DPYD: variants seen among roughly 807,000 people sequenced by gnomAD.
DPYD encodes the protein dihydropyrimidine dehydrogenase [NADP(+)].
In DPYD, 109 loss-of-function variants were observed where a neutral mutation model predicts 116.2. The observed-to-expected ratio is 0.94, with a 90% CI of 0.80 to 1.10. The LOEUF (loss-of-function observed/expected upper bound fraction) is 1.10. DPYD is among the 50% of genes least tolerant of loss of function. The pLI is 0.00. For synonymous variants in DPYD, 440 were observed against 432.0 expected (o/e 1.02, Z -0.23); for missense variants, 1,302 against 1,254.5 (o/e 1.04, Z -0.57).
chr1:97,634,682 G>C (rs1019180471), intron 8 of DPYD, among the ~76,000 whole-genome samples: 2 of 151,930 alleles, frequency 1.3e-5, no homozygotes, highest in Non-Finnish European at 2.9e-5. Flanking sequence ...AAGCACCAAA[G>C]AATAAAATAG....
chr1:97,449,913 T>C, intron 14 of DPYD, 146 bp downstream of exon 14: 1 of 1,035,622 alleles, frequency 9.7e-7, no homozygotes, highest in African/African-American at 1.6e-5. Flanking sequence ...CTTTCTTTTT[T>C]ATCTTTCTAT....
intron 18 of DPYD, among the ~76,000 whole-genome samples, chr1:97,239,318 T>C (rs965221103): frequency 7.2e-5 from 11 of 152,186 alleles, no homozygotes; most frequent in African/African-American, 2.7e-4. Flanking sequence ...TTGTCAGATA[T>C]CATTTTAAAT....
chr1:97,895,590 G>C (rs1193425838), intron 1 of DPYD, among the ~76,000 whole-genome samples: 1 of 151,626 alleles, frequency 6.6e-6, no homozygotes, highest in Non-Finnish European at 1.5e-5. Context: ...TGATAAAAAT[G>C]AGTTTTCATT....
chr1:97,624,155 A>G (rs1656791280), intron 8 of DPYD, among the ~76,000 whole-genome samples: 1 of 152,074 alleles, frequency 6.6e-6, no homozygotes, highest in African/African-American at 2.4e-5. Flanking sequence ...AGACTTCTGC[A>G]TTACCAAGGA....
intron 8 of DPYD, among the ~76,000 whole-genome samples, chr1:97,596,406 C>T (rs1034514657): frequency 6.6e-6 from 1 of 151,970 alleles, no homozygotes; most frequent in Admixed American, 6.6e-5. Flanking sequence ...TAAATTCTTA[C>T]CAAAACTTTG....
chr1:97,402,686 C>T (rs1673439861), intron 14 of DPYD, among the ~76,000 whole-genome samples: 1 of 151,994 alleles, frequency 6.6e-6, no homozygotes. Context: ...TTGCCTTGTT[C>T]TTGATCTTAG....
chr1:97,201,010 A>G (rs1659164605), intron 19 of DPYD, among the ~76,000 whole-genome samples: 1 of 152,164 alleles, frequency 6.6e-6, no homozygotes, highest in African/African-American at 2.4e-5. Flanking sequence ...GAGGGCCAAC[A>G]GTAAGACTCA....
chr1:97,215,410 A>G (rs900757762), intron 19 of DPYD, among the ~76,000 whole-genome samples: 1 of 152,190 alleles, frequency 6.6e-6, no homozygotes, highest in African/African-American at 2.4e-5. Flanking sequence ...GCTTCTGGAA[A>G]AGGTCATCTG....
intron 6 of DPYD, among the ~76,000 whole-genome samples, chr1:97,695,692 T>C (rs1456837105): frequency 6.6e-6 from 1 of 151,880 alleles, no homozygotes; most frequent in Non-Finnish European, 1.5e-5. Flanking sequence ...GGACAGATCC[T>C]TTATCTCTGA....
chr1:97,208,188 CT>C (rs957718296), intron 19 of DPYD, among the ~76,000 whole-genome samples: 171 of 150,320 alleles, frequency 1.1e-3, no homozygotes, highest in Middle Eastern at 3.4e-3. Context: ...CTTTCTTTTA[CT>C]TTTTTTTCTT....
intron 10 of DPYD, chr1:97,586,080 G>A (rs1017470778): frequency 5.2e-5 from 9 of 174,174 alleles, no homozygotes; most frequent in African/African-American, 1.9e-4. Context: ...GTGGTCCAAG[G>A]TTACAGGAAG....
intron 18 of DPYD, among the ~76,000 whole-genome samples, chr1:97,237,417 T>A (rs1662021161): frequency 6.6e-6 from 1 of 152,190 alleles, no homozygotes; most frequent in Non-Finnish European, 1.5e-5. Context: ...CCTCTACATA[T>A]TACTATAGCA....
chr1:97,098,714 C>A, intron 20 of DPYD, 82 bp from the exon 21 acceptor site: 2 of 1,490,566 alleles, frequency 1.3e-6, no homozygotes, highest in Non-Finnish European at 1.8e-6. Context: ...TAAATATTAT[C>A]AACAAACAAA....
chr1:97,736,850 T>TGTG (rs1663975706), intron 4 of DPYD, among the ~76,000 whole-genome samples: 2 of 142,024 alleles, frequency 1.4e-5, no homozygotes, highest in Non-Finnish European at 3.1e-5. Context: ...GTGTGTGCAT[T>TGTG]TGTGTGTGTG....
At chr1:97,440,143 C>T (rs896633625) in intron 14 of DPYD, among the ~76,000 whole-genome samples, 12 of 151,712 alleles carry the variant, frequency 7.9e-5, no homozygotes, top group South Asian at 4.2e-4. Flanking sequence ...GGCATGGTGA[C>T]GCATGCCTGT....
chr1:97,426,238 G>A (rs1055752679), intron 14 of DPYD, among the ~76,000 whole-genome samples: 1 of 151,966 alleles, frequency 6.6e-6, no homozygotes, highest in African/African-American at 2.4e-5. Flanking sequence ...CAGATGACAG[G>A]AACACAGCTT....
At chr1:97,089,869 A>C (rs1278620470) in intron 21 of DPYD, among the ~76,000 whole-genome samples, 3 of 148,662 alleles carry the variant, frequency 2.0e-5, no homozygotes, top group African/African-American at 7.5e-5. Flanking sequence ...GGGCTAGGAG[A>C]ATCAGGATGT....
intron 4 of DPYD, among the ~76,000 whole-genome samples, chr1:97,733,712 T>C (rs1663763183): frequency 6.6e-6 from 1 of 152,038 alleles, no homozygotes; most frequent in African/African-American, 2.4e-5. Context: ...TTTCTCTAGG[T>C]AGAACAAATT....
At chr1:97,277,301 C>A (rs2100918142) in intron 18 of DPYD, among the ~76,000 whole-genome samples, 1 of 151,888 alleles carries the variant, frequency 6.6e-6, no homozygotes, top group Non-Finnish European at 1.5e-5. Context: ...TATCCCAAAC[C>A]CCAGCATCAC....
Sources: allele counts gnomAD v4.1 joint callset (sites outside exome capture counted in the v4.1 genomes callset), GRCh38; gene constraint gnomAD v4.1.1; transcripts MANE v1.5; gene names NCBI Gene and HGNC (gene_info 2026-07-23, HGNC 2026-07-21).